The following KHDRBS1 variants were observed in gnomAD, a reference collection of about 807,000 sequenced individuals.
KHDRBS1 encodes the protein KH RNA binding domain containing, signal transduction associated 1.
KHDRBS1 carries 7 observed loss-of-function variants against 48.4 expected under a neutral mutation model. That is an observed-to-expected ratio of 0.14 (90% CI 0.08 to 0.27). The LOEUF is 0.27. Ranked by LOEUF, KHDRBS1 falls within the 10% of genes least tolerant of loss-of-function variation. The pLI is 1.00. For missense variants in KHDRBS1, 458 were observed against 601.2 expected (o/e 0.76, Z 2.49); for synonymous variants, 241 against 235.8 (o/e 1.02, Z -0.20).
At chr1:32,040,902 G>C (rs1427180413) in intron 8 of KHDRBS1, among the ~76,000 whole-genome samples, 2 of 152,148 alleles carry the variant, frequency 1.3e-5, no homozygotes, top group Non-Finnish European at 2.9e-5. Context: ...TCAGCTGCTT[G>C]CCCAAGGAAA....
chr1:32,018,845 C>G (rs1286434833), intron 1 of KHDRBS1, among the ~76,000 whole-genome samples: 1 of 152,038 alleles, frequency 6.6e-6, no homozygotes, highest in Non-Finnish European at 1.5e-5. Context: ...CCAAGGCAGT[C>G]GGATCACTTG....
At chr1:32,046,318 A>G (rs749364439), downstream of KHDRBS1, among the ~76,000 whole-genome samples, 2 of 151,964 alleles carry the variant, frequency 1.3e-5, no homozygotes, top group East Asian at 1.9e-4. Flanking sequence ...GGTTCAAGCA[A>G]TTCTCCTGTC....
At position 32,013,939 on chromosome 1, in the gene KHDRBS1, CG is replaced by C; in HGVS notation, c.-54del. On this transcript the variant is annotated 5_prime_UTR_variant, in exon 1 of 9. Coordinates refer to ENST00000327300, the MANE Select transcript of KHDRBS1 (RefSeq NM_006559.3). ...TCTGCCACCCCCGCCAACCGCCGCT[CG>C]GGCCTCCGTCGCTGCCGCGTCGCTT... 7.3e-7 allele frequency: 1 copy of C among 1,362,836 alleles called. No individual in the cohort carries two copies. The allele number at this position is 1,362,836 out of a possible 1,614,324, so 84.4% of individuals were successfully genotyped here.
rs1413301013 is a variant in KHDRBS1, at chr1:32,025,265, A to C, written c.383-5033A>C. ...GGGTGACAGAGTGAGACCCTATCTC[A>C]AAAAAAAAAAAAAAATTCGGCTCCT... On this transcript the variant is annotated intron_variant, in intron 1 of 8. Coordinates refer to ENST00000327300, the MANE Select transcript of KHDRBS1 (RefSeq NM_006559.3). Among the ~76,000 whole-genome samples, 6 of 125,984 alleles carry C rather than the reference A, an allele frequency of 4.8e-5. No homozygotes were observed. In the East Asian group the frequency reaches 1.1e-3, roughly 23 times the overall value. The allele number at this position is 125,984 out of a possible 152,430, so 82.7% of individuals were successfully genotyped here. A position where few individuals can be genotyped will look rare whatever the true frequency, so the allele number is the denominator to read the frequency against.
intron 8 of KHDRBS1, among the ~76,000 whole-genome samples, chr1:32,042,024 A>G (rs1244663289): frequency 2.6e-5 from 4 of 152,120 alleles, no homozygotes; most frequent in Admixed American, 6.6e-5. Flanking sequence ...GAGCTAGAGG[A>G]CACTTCTCCG....
At position 32,038,536 on chromosome 1, in the gene KHDRBS1, G is replaced by T. The variant is rs776740855; in HGVS notation, c.1108-16G>T. The T allele has an allele frequency of 5.3e-5, 86 of 1,607,592 alleles. No individual in the cohort carries two copies. In the Middle Eastern group the frequency reaches 9.9e-4, roughly 19 times the overall value. ...TTTTGATCTTTTATTTCATTTTTTT[G>T]TTGTTGTTGTTCTAGGGATATGATG... On this transcript the variant is annotated splice_polypyrimidine_tract_variant and intron_variant, in intron 6 of 8. Coordinates refer to ENST00000327300, the MANE Select transcript of KHDRBS1 (RefSeq NM_006559.3).
chr1:32,041,940 C>T (rs1338409861), intron 8 of KHDRBS1, among the ~76,000 whole-genome samples: 1 of 152,216 alleles, frequency 6.6e-6, no homozygotes, highest in Non-Finnish European at 1.5e-5. Flanking sequence ...GCACATCCCT[C>T]TACCAGAGAG....
At chr1:32,057,135 G>A (rs1639487299) in intron 10 of KHDRBS1, among the ~76,000 whole-genome samples, 1 of 152,180 alleles carries the variant, frequency 6.6e-6, no homozygotes, top group African/African-American at 2.4e-5. Context: ...ATTATAGGCA[G>A]AGGATAGGAC....
chr1:32,022,706 C>T lies in KHDRBS1; in HGVS notation c.383-7592C>T, dbSNP rs181305626. On this transcript the variant is annotated intron_variant, in intron 1 of 8. Coordinates refer to ENST00000327300, the MANE Select transcript of KHDRBS1 (RefSeq NM_006559.3). ...GAGATCGAGACCATCCTAGCTAACA[C>T]GGTGAAACCCCGTCTCTACTAAAAA... 1.8e-3 allele frequency among the ~76,000 whole-genome samples: 276 copies of T among 152,080 alleles called. 1 individual carries two copies. Among genetic ancestry groups the T allele is most frequent in the South Asian group, 4.2e-3 (20 of 4,806 alleles).
chr1:32,037,918 C>G lies in KHDRBS1; in HGVS notation c.989C>G (p.Thr330Ser), dbSNP rs779757534. 1 of 1,614,146 alleles carries G rather than the reference C, an allele frequency of 6.2e-7. No individual in the cohort carries two copies. The highest frequency in any genetic ancestry group is 1.3e-5 in the African/African-American group (1 of 74,956). ...GCCATCACCAGAGGTGCCACTGTGA[C>G]TCGAGGCGTGCCACCCCCACCTACT... Reference protein sequence around the residue: ...RGAITRGATVTRGVPPPPTVR... With the variant: ...RGAITRGATVSRGVPPPPTVR... Residue 330 changes from threonine (T) to serine (S), a missense_variant, in exon 6 of 9, where the codon ACT becomes AGT. This residue lies in a region of KHDRBS1 where 171 missense variants were observed against 228.7 expected (regional missense o/e 0.75). Coordinates refer to ENST00000327300, the MANE Select transcript of KHDRBS1 (RefSeq NM_006559.3).
chr1:32,021,616 T>A (rs1312096620), intron 1 of KHDRBS1, among the ~76,000 whole-genome samples: 1 of 152,062 alleles, frequency 6.6e-6, no homozygotes, highest in East Asian at 1.9e-4. Flanking sequence ...ACCATACTTT[T>A]TTGTATTTGT....
chr1:32,016,722 G>T (rs1006564480), intron 1 of KHDRBS1, among the ~76,000 whole-genome samples: 2 of 151,932 alleles, frequency 1.3e-5, no homozygotes, highest in Non-Finnish European at 2.9e-5. Context: ...CCTTTCCTGG[G>T]TTTACTTTAT....
chr1:32,019,338 T>G (rs948919829), intron 1 of KHDRBS1, among the ~76,000 whole-genome samples: 1 of 151,850 alleles, frequency 6.6e-6, no homozygotes, highest in Non-Finnish European at 1.5e-5. Context: ...TTAACTGAGG[T>G]CAGGAGTTTA....
chr1:32,039,452 T>C (rs1467050553), intron 7 of KHDRBS1, 63 bp from the exon 8 acceptor site: 1 of 808,540 alleles, frequency 1.2e-6, no homozygotes, highest in Non-Finnish European at 2.2e-6. Flanking sequence ...TATGGAAGTA[T>C]TTGAGAGAAA....
intron 10 of KHDRBS1, among the ~76,000 whole-genome samples, chr1:32,057,496 T>C (rs1189051859): frequency 6.6e-6 from 1 of 151,434 alleles, no homozygotes; most frequent in Non-Finnish European, 1.5e-5. Context: ...TTTTTTTTTT[T>C]TTTTTTTAAA....
At chr1:32,021,690 C>G (rs1310057239) in intron 1 of KHDRBS1, among the ~76,000 whole-genome samples, 1 of 152,076 alleles carries the variant, frequency 6.6e-6, no homozygotes, top group Non-Finnish European at 1.5e-5. Flanking sequence ...AATCTTGGCT[C>G]ACTGCAACCT....
Position 32,013,906 on chromosome 1 carries a change from G to A in KHDRBS1, c.-90G>A. The A allele has an allele frequency of 2.1e-5, 26 of 1,241,614 alleles. No homozygotes were observed. The highest frequency in any genetic ancestry group is 2.7e-5 in the Non-Finnish European group (26 of 969,446). 76.9% of individuals were successfully genotyped at this position (1,241,614 alleles called of 1,614,324 possible). A position where few individuals can be genotyped will look rare whatever the true frequency, so the allele number is the denominator to read the frequency against. ...GCTCGGGTCGGCTTCGGTCGCTACC[G>A]CTCCCGCTCTGCCACCCCCGCCAAC... On this transcript the variant is annotated 5_prime_UTR_variant, in exon 1 of 9. Coordinates refer to ENST00000327300, the MANE Select transcript of KHDRBS1 (RefSeq NM_006559.3).
In KHDRBS1 at chr1:32,014,095, C is replaced by T. The variant is rs1638683471; in HGVS notation, c.100C>T (p.Pro34Ser). The change falls in exon 1 of 9, where the codon CCG (proline) becomes TCG (serine). Residue 34 changes from proline (P) to serine (S), a missense_variant. Around this residue, in one of 3 missense-constraint regions of KHDRBS1, gnomAD observed 213 missense variants for 215.6 expected, o/e 0.99. Transcript: ENST00000327300. Reference protein sequence around the residue: ...SGAHPSVRQTPSRQPPLPHRS... With the variant: ...SGAHPSVRQTSSRQPPLPHRS... ...TGCCCACCCCTCGGTGCGTCAGACGCCGTCTCGGCAGCCGCCGCTGCCTCA... is the reference window on the plus strand; with the variant it reads ...TGCCCACCCCTCGGTGCGTCAGACGTCGTCTCGGCAGCCGCCGCTGCCTCA... 6.9e-7 allele frequency: 1 copy of T among 1,449,052 alleles called. No homozygotes were observed. Among genetic ancestry groups the T allele is most frequent in the Non-Finnish European group, 9.1e-7 (1 of 1,104,100 alleles). The allele number at this position is 1,449,052 out of a possible 1,614,324, so 89.8% of individuals were successfully genotyped here.
At chr1:32,016,012 C>T (rs530354413) in intron 1 of KHDRBS1, among the ~76,000 whole-genome samples, 2 of 152,028 alleles carry the variant, frequency 1.3e-5, no homozygotes, top group South Asian at 4.1e-4. Context: ...AACCCCGTCT[C>T]TACTAAAAAT....
Sources: gnomAD v4.1 joint callset for allele counts (sites outside exome capture counted in the v4.1 genomes callset) on GRCh38, gnomAD v4.1.1 for gene constraint, gnomAD v4.1.1 regional missense constraint, MANE v1.5 for transcripts, NCBI Gene and HGNC (gene_info 2026-07-23, HGNC 2026-07-21) for gene names.